Variants in ANO3 observed in about 807,000 individuals in gnomAD.
ANO3 encodes anoctamin-3.
A neutral mutation model predicts 144.8 loss-of-function variants in ANO3; 99 were observed. That is an observed-to-expected ratio of 0.68 (90% confidence interval 0.58 to 0.81). The LOEUF (loss-of-function observed/expected upper bound fraction) is 0.81. ANO3 is among the 30% of genes least tolerant of loss of function. ANO3 has a pLI of 0.00. For missense variants in ANO3, 905 were observed against 1,202.2 expected, an observed-to-expected ratio of 0.75 and a Z score of 3.66; for synonymous variants, 414 against 392.6, an observed-to-expected ratio of 1.05 and a Z score of -0.64.
intron 1 of ANO3, among the ~76,000 whole-genome samples, chr11:26,241,437 C>T (rs563235124): frequency 7.9e-5 from 12 of 152,284 alleles, no homozygotes; most frequent in African/African-American, 2.9e-4. Context: ...TCTTAAGCTA[C>T]ATCATAAAAT....
In ANO3 at chr11:26,309,801, C is replaced by CG. The variant is rs781092487; in HGVS notation, c.-3+82_-3+83insG. On this transcript the variant is annotated intron_variant, in intron 1 of 26. Coordinates refer to the ANO3 transcript ENST00000525139. ...TGTGGTAGCAACTCCAGAGTCTTTACAGGGGGGGTGAAAATTTAACGCAAA... is the reference window on the plus strand; with the variant it reads ...TGTGGTAGCAACTCCAGAGTCTTTACGAGGGGGGGTGAAAATTTAACGCAAA... The CG allele has an allele frequency of 7.2e-4, 437 of 606,448 alleles. 6 individuals carry two copies. Among genetic ancestry groups the CG allele is most frequent in the Middle Eastern group, 6.5e-3 (8 of 1,238 alleles). 37.6% of individuals were successfully genotyped at this position (606,448 alleles called of 1,614,324 possible). A position where few individuals can be genotyped will look rare whatever the true frequency, so the allele number is the denominator to read the frequency against.
At chr11:26,480,518 A>C (rs932895397) in intron 4 of ANO3, among the ~76,000 whole-genome samples, 66 of 152,248 alleles carry the variant, frequency 4.3e-4, no homozygotes, top group African/African-American at 1.5e-3. Flanking sequence ...AGGAATTCCA[A>C]AATTACCTGA....
chr11:26,321,106 C>T lies in ANO3; in HGVS notation c.-3+11387C>T, dbSNP rs1431091769. Among the ~76,000 whole-genome samples the T allele has an allele frequency of 3.9e-5, 6 of 152,132 alleles. No homozygotes were observed. The East Asian group carries it at 1.2e-3, about 29-fold the overall frequency. ...CAATGTACTGTTTTCTCATTTATTA[C>T]ATATTACTTTTATTTTCTTTGTTCT... On this transcript the variant is annotated intron_variant, in intron 1 of 26. Coordinates refer to the ANO3 transcript ENST00000525139.
At chr11:26,530,665 C>G (rs1849347110) in intron 7 of ANO3, among the ~76,000 whole-genome samples, 1 of 151,582 alleles carries the variant, frequency 6.6e-6, no homozygotes. Flanking sequence ...TCAAGACCTT[C>G]CTGGCCAACA....
chr11:26,504,477 T>C (rs1186196627), intron 4 of ANO3, among the ~76,000 whole-genome samples: 2 of 152,186 alleles, frequency 1.3e-5, no homozygotes, highest in Non-Finnish European at 2.9e-5. Context: ...TCGTAAACTT[T>C]ATATCCTTGT....
chr11:26,643,377 A>G (rs1270366058), intron 23 of ANO3, 43 bp downstream of exon 23: 1 of 1,606,918 alleles, frequency 6.2e-7, no homozygotes, highest in East Asian at 2.2e-5. Context: ...GCTAACACCA[A>G]TAGGTTGCTA....
chr11:26,660,334 A>T lies in ANO3; in HGVS notation c.2836A>T (p.Ile946Leu), dbSNP rs750714365. 6.2e-7 allele frequency: 1 copy of T among 1,613,682 alleles called. No homozygotes were observed. Among genetic ancestry groups the T allele is most frequent in the Non-Finnish European group, 8.5e-7 (1 of 1,179,728 alleles). The change falls in exon 27 of 27, where the codon ATA becomes TTA. Residue 946 changes from isoleucine to leucine, a missense_variant. Physicochemically the swap from Ile to Leu is conservative, Grantham distance 5 (BLOSUM62 2). This residue lies in a region of ANO3 where 597 missense variants were observed against 865.1 expected (regional missense o/e 0.69). Transcript: ENST00000256737. Reference protein sequence around the residue: ...PDVPKGLHDRIRREKYLVQEM... With the variant: ...PDVPKGLHDRLRREKYLVQEM... Reference sequence around the variant, plus strand: ...CGTACCAAAGGGTCTACATGACCGAATACGACGAGAGAAGTACTTAGTTCA... The same window carrying T: ...CGTACCAAAGGGTCTACATGACCGATTACGACGAGAGAAGTACTTAGTTCA...
At chr11:26,576,385 T>A (rs1469639112) in intron 14 of ANO3, among the ~76,000 whole-genome samples, 1 of 152,152 alleles carries the variant, frequency 6.6e-6, no homozygotes, top group Non-Finnish European at 1.5e-5. Context: ...TATAATAATT[T>A]TTTTGGAGAT....
chr11:26,603,921 A>C (rs1477775817), intron 17 of ANO3, among the ~76,000 whole-genome samples: 1 of 152,166 alleles, frequency 6.6e-6, no homozygotes, highest in Non-Finnish European at 1.5e-5. Context: ...TAGCATGACC[A>C]TCACCTGATG....
intron 1 of ANO3, among the ~76,000 whole-genome samples, chr11:26,410,816 G>C (rs745812415): frequency 1.3e-5 from 2 of 151,996 alleles, no homozygotes; most frequent in Non-Finnish European, 2.9e-5. Flanking sequence ...TTTTGAAGCA[G>C]AGGAATGACA....
Position 26,407,076 on chromosome 11 carries a change from G to GTGTGTGTA in ANO3, c.47-34841_47-34840insGTGTGTAT, listed in dbSNP as rs1304651169. Among the ~76,000 whole-genome samples, 292 of 101,504 alleles carry GTGTGTGTA rather than the reference G, an allele frequency of 2.9e-3. 1 individual carries two copies. Among genetic ancestry groups the GTGTGTGTA allele is most frequent in the African/African-American group, 9.0e-3 (285 of 31,500 alleles). 66.6% of individuals were successfully genotyped at this position (101,504 alleles called of 152,430 possible). A position where few individuals can be genotyped will look rare whatever the true frequency, so the allele number is the denominator to read the frequency against. On this transcript the variant is annotated intron_variant, in intron 1 of 26. Transcript: ENST00000256737. ...TGTGTGTGTGTGTGTGTGTGTGTGTGTATATATATATATATATGTATATAT... is the reference window on the plus strand; with the variant it reads ...TGTGTGTGTGTGTGTGTGTGTGTGTGTGTGTGTATATATATATATATATATGTATATAT...
intron 1 of ANO3, among the ~76,000 whole-genome samples, chr11:26,282,995 T>C (rs1853713171): frequency 6.6e-6 from 1 of 152,046 alleles, no homozygotes; most frequent in Non-Finnish European, 1.5e-5. Flanking sequence ...GAGTCTTTAT[T>C]TGAATGCATT....
chr11:26,663,203 C>T lies in ANO3; in HGVS notation c.*2759C>T, dbSNP rs1401846415. ...ATACAACTTCTGAATGCTGCACATT[C>T]TTCCAAAATGATCCTTAGCACAATC... On this transcript the variant is annotated 3_prime_UTR_variant, in exon 27 of 27. Transcript: ENST00000256737. The T allele has an allele frequency of 2.0e-5, 3 of 152,026 alleles. No individual in the cohort carries two copies. The highest frequency in any genetic ancestry group is 6.6e-5 in the Admixed American group (1 of 15,218). 9.4% of individuals were successfully genotyped at this position (152,026 alleles called of 1,614,324 possible).
chr11:26,627,856 C>T (rs28495803), intron 18 of ANO3, among the ~76,000 whole-genome samples: 41,549 of 109,200 alleles, frequency 0.38, 6,090 homozygotes, highest in African/African-American at 0.41. Context: ...TGTGTGTGTG[C>T]GCCTGACATT....
rs141468550 is a variant in ANO3, at chr11:26,482,911, G to A, written c.432+19763G>A. Among the ~76,000 whole-genome samples, 44 of 152,126 alleles carry A rather than the reference G, an allele frequency of 2.9e-4. No individual in the cohort carries two copies. The East Asian group carries it at 4.1e-3, about 14-fold the overall frequency. On this transcript the variant is annotated intron_variant, in intron 4 of 26. Transcript: ENST00000256737. Reference sequence around the variant, plus strand: ...GGCCTCCAGTTCCATCCATGTTGCCGCAAAAGACATGATTTCACTCCTTTT... The same window carrying A: ...GGCCTCCAGTTCCATCCATGTTGCCACAAAAGACATGATTTCACTCCTTTT...
At chr11:26,563,280 A>G (rs887278036) in intron 14 of ANO3, 2 of 1,575,254 alleles carry the variant, frequency 1.3e-6, no homozygotes, top group Non-Finnish European at 1.7e-6. Flanking sequence ...AGGACAAAAA[A>G]AATTTAAAGA....
chr11:26,388,742 C>T (rs962066316), intron 1 of ANO3, among the ~76,000 whole-genome samples: 2 of 152,132 alleles, frequency 1.3e-5, no homozygotes, highest in Non-Finnish European at 2.9e-5. Context: ...CTTGAAGGCA[C>T]TATTGATGGC....
At chr11:26,423,775 G>A (rs1319332010) in intron 1 of ANO3, among the ~76,000 whole-genome samples, 3 of 151,972 alleles carry the variant, frequency 2.0e-5, no homozygotes, top group East Asian at 3.9e-4. Flanking sequence ...TTTATACCAC[G>A]GGAAGTCATG....
At chr11:26,398,774 G>T (rs1024235693) in intron 1 of ANO3, among the ~76,000 whole-genome samples, 1 of 152,032 alleles carries the variant, frequency 6.6e-6, no homozygotes, top group Non-Finnish European at 1.5e-5. Context: ...ATTCATGTGG[G>T]TTATCATAGA....
Sources: allele counts gnomAD v4.1 joint callset (sites outside exome capture counted in the v4.1 genomes callset), GRCh38; gene constraint gnomAD v4.1.1; regional missense constraint gnomAD v4.1.1; transcripts MANE v1.5; gene names NCBI Gene and HGNC (gene_info 2026-07-23, HGNC 2026-07-21).